The following SPAST variants were observed in gnomAD, a reference collection of about 807,000 sequenced individuals.
The protein encoded by SPAST is spastin.
Under a neutral mutation model 76.6 loss-of-function variants are expected in SPAST, and 30 were observed. The observed-to-expected ratio is 0.39, with a 90% confidence interval of 0.29 to 0.53. The LOEUF is 0.53. Ranked by LOEUF, SPAST falls within the 20% of genes least tolerant of loss-of-function variation. SPAST has a pLI of 0.68. For synonymous variants in SPAST, 305 were observed against 281.0 expected (o/e 1.09, Z -0.86); for missense variants, 717 against 770.5 (o/e 0.93, Z 0.82).
rs1336730445 is a variant in SPAST, at chr2:32,157,523, T to C, written c.*3027T>C. 6.6e-6 allele frequency: 1 copy of C among 152,640 alleles called. No homozygotes were observed. The highest frequency in any genetic ancestry group is 1.5e-5 in the Non-Finnish European group (1 of 68,036). 9.5% of individuals were successfully genotyped at this position (152,640 alleles called of 1,614,324 possible). ...GTCAAAGGATTTTCCTTTAAATGCTTGTCTCAATTTTAGTCTGGTCTTTTG... is the reference window on the plus strand; with the variant it reads ...GTCAAAGGATTTTCCTTTAAATGCTCGTCTCAATTTTAGTCTGGTCTTTTG... On this transcript the variant is annotated 3_prime_UTR_variant, in exon 17 of 17. Transcript: ENST00000315285.
At chr2:32,071,582 A>G (rs1331933981) in intron 1 of SPAST, among the ~76,000 whole-genome samples, 5 of 152,170 alleles carry the variant, frequency 3.3e-5, no homozygotes, top group Non-Finnish European at 7.3e-5. Context: ...TTGATTTTAT[A>G]CACTTTAGGG....
rs150243267 is a variant in SPAST at position 32,157,002 on chromosome 2, A to G, written c.*2506A>G. The G allele has an allele frequency of 6.6e-6, 1 of 152,428 alleles. No homozygotes were observed. The highest frequency in any genetic ancestry group is 2.4e-5 in the African/African-American group (1 of 41,574). 9.4% of individuals were successfully genotyped at this position (152,428 alleles called of 1,614,324 possible). A position where few individuals can be genotyped will look rare whatever the true frequency, so the allele number is the denominator to read the frequency against. ...AGGGCCATGAAAATAGAGTAATGAT[A>G]TAGTAGGAGATAAGGGATTGGTTTG... On this transcript the variant is annotated 3_prime_UTR_variant, in exon 17 of 17. Transcript: ENST00000315285.
intron 1 of SPAST, among the ~76,000 whole-genome samples, chr2:32,075,855 C>T (rs1676938736): frequency 9.0e-6 from 1 of 110,884 alleles, no homozygotes; most frequent in African/African-American, 3.4e-5. Context: ...TCCCAGACTC[C>T]TGGCTTTTTT....
In SPAST at chr2:32,133,655, TA is replaced by T. The variant is rs573039556; in HGVS notation, c.1246-2895del. 8.6e-3 allele frequency among the ~76,000 whole-genome samples: 1,219 copies of T among 142,350 alleles called. 14 individuals are homozygous for T. Among genetic ancestry groups the T allele is most frequent in the African/African-American group, 0.026 (1,007 of 39,098 alleles). The allele number at this position is 142,350 out of a possible 152,430, so 93.4% of individuals were successfully genotyped here. A position where few individuals can be genotyped will look rare whatever the true frequency, so the allele number is the denominator to read the frequency against. Reference sequence around the variant, plus strand: ...AACAGTTAACCTGCTTATCTATTATTAAAAAAAAAAAAACGAACATTCACAT... The same window carrying T: ...AACAGTTAACCTGCTTATCTATTATTAAAAAAAAAAAACGAACATTCACAT... On this transcript the variant is annotated intron_variant, in intron 9 of 16. Coordinates refer to ENST00000315285, the MANE Select transcript of SPAST (RefSeq NM_014946.4).
intron 3 of SPAST, among the ~76,000 whole-genome samples, chr2:32,091,703 G>A (rs181624632): frequency 2.0e-5 from 3 of 151,834 alleles, no homozygotes; most frequent in African/African-American, 4.8e-5. Flanking sequence ...GTGTGGTGGC[G>A]GGCACCTGTA....
chr2:32,107,494 C>G (rs1678370749), intron 4 of SPAST, among the ~76,000 whole-genome samples: 1 of 152,126 alleles, frequency 6.6e-6, no homozygotes, highest in Admixed American at 6.6e-5. Flanking sequence ...CTTAAGTGAT[C>G]CACCTGCCCT....
At chr2:32,087,902 G>A (rs1252257491) in intron 2 of SPAST, among the ~76,000 whole-genome samples, 1 of 149,588 alleles carries the variant, frequency 6.7e-6, no homozygotes, top group Non-Finnish European at 1.5e-5. Context: ...ACTAGTTTTT[G>A]AGACAGAGTC....
intron 7 of SPAST, among the ~76,000 whole-genome samples, chr2:32,117,864 G>A (rs767065426): frequency 1.3e-5 from 2 of 152,072 alleles, no homozygotes; most frequent in Non-Finnish European, 2.9e-5. Flanking sequence ...TGACTTTTAA[G>A]GATATTAAGT....
intron 3 of SPAST, among the ~76,000 whole-genome samples, chr2:32,090,919 C>T (rs1444151867): frequency 6.6e-6 from 1 of 152,136 alleles, no homozygotes; most frequent in East Asian, 1.9e-4. Flanking sequence ...GTTGTTCCAT[C>T]TTGTGAGGTT....
At position 32,063,996 on chromosome 2, in the gene SPAST, CCCGCTGTTTG is replaced by C. The variant is rs1553394509; in HGVS notation, c.166_175del (p.Pro56Ter). On this transcript the variant is annotated frameshift_variant, in exon 1 of 17. Coordinates refer to ENST00000315285, the MANE Select transcript of SPAST (RefSeq NM_014946.4). LOFTEE classifies it high-confidence loss of function. ...AGCGGAACCTGTACTATTTCTCCTA[CCCGCTGTTTG>C]TAGGCTTCGCGCTGCTGCGTTTGGT... The C allele has an allele frequency of 6.2e-7, 1 of 1,613,428 alleles. No individual in the cohort carries two copies. The highest frequency in any genetic ancestry group is 8.5e-7 in the Non-Finnish European group (1 of 1,179,536).
chr2:32,135,739 G>A (rs1679515657), intron 9 of SPAST, among the ~76,000 whole-genome samples: 1 of 152,014 alleles, frequency 6.6e-6, no homozygotes, highest in South Asian at 2.1e-4. Context: ...GATCACTTGA[G>A]GTCAGGAGTT....
chr2:32,089,481 G>A (rs781629405), intron 2 of SPAST, 41 bp from the exon 3 acceptor site: 4 of 1,087,078 alleles, frequency 3.7e-6, no homozygotes, highest in Non-Finnish European at 5.7e-6. Flanking sequence ...AACAATATTA[G>A]TTGGGAAATG....
At chr2:32,100,637 T>C (rs1678085256) in intron 4 of SPAST, among the ~76,000 whole-genome samples, 2 of 152,020 alleles carry the variant, frequency 1.3e-5, no homozygotes, top group African/African-American at 2.4e-5. Flanking sequence ...CAGGCCCCAT[T>C]GTGTGATGTT....
chr2:32,150,986 C>T (rs1680065143), intron 16 of SPAST, among the ~76,000 whole-genome samples: 1 of 141,080 alleles, frequency 7.1e-6, no homozygotes, highest in Non-Finnish European at 1.5e-5. Context: ...CTGTTGTTGC[C>T]CAGGCTGGAG....
At position 32,074,494 on chromosome 2, in the gene SPAST, C is replaced by G. The variant is rs577750394; in HGVS notation, c.415+10248C>G. Among the ~76,000 whole-genome samples the G allele has an allele frequency of 2.6e-5, 4 of 150,994 alleles. No homozygotes were observed. The East Asian group carries it at 7.8e-4, about 29-fold the overall frequency. ...GATGTAATAAGCTGTTTTTCTCTTT[C>G]TCAGCTTTTTTTTTTGTTGTTTTTT... On this transcript the variant is annotated intron_variant, in intron 1 of 16. Coordinates refer to ENST00000315285, the MANE Select transcript of SPAST (RefSeq NM_014946.4).
intron 9 of SPAST, among the ~76,000 whole-genome samples, chr2:32,131,145 A>G (rs897446286): frequency 1.9e-4 from 29 of 152,176 alleles, no homozygotes; most frequent in African/African-American, 7.0e-4. Flanking sequence ...CAGTTCTTCA[A>G]ATATTATTAT....
rs190794887 is a variant in SPAST, at chr2:32,119,684, A to G, written c.1098+3472A>G. ...TTAAACATAATTTTTGAAAGTAGCC[A>G]ATATTAATCTTTGACAAAAAACTCA... is the stretch of plus-strand genomic sequence containing the variant. On this transcript the variant is annotated intron_variant, in intron 7 of 16. Transcript: ENST00000315285. Among the ~76,000 whole-genome samples, 132 of 152,306 alleles carry G rather than the reference A, an allele frequency of 8.7e-4. 1 individual carries two copies. The highest frequency in any genetic ancestry group is 3.1e-3 in the African/African-American group (130 of 41,578).
At chr2:32,088,986 A>G (rs567783085) in intron 2 of SPAST, among the ~76,000 whole-genome samples, 163 of 152,296 alleles carry the variant, frequency 1.1e-3, no homozygotes, top group Non-Finnish European at 1.9e-3. Flanking sequence ...ACCCCATGAA[A>G]TAAGACCTGA....
At chr2:32,132,457 C>A (rs544866157) in intron 9 of SPAST, among the ~76,000 whole-genome samples, 1 of 151,806 alleles carries the variant, frequency 6.6e-6, no homozygotes, top group Non-Finnish European at 1.5e-5. Flanking sequence ...CTATCTAATA[C>A]AATTTTTTCC....
Sources: gnomAD v4.1 joint callset for allele counts (sites outside exome capture counted in the v4.1 genomes callset) on GRCh38, gnomAD v4.1.1 for gene constraint, MANE v1.5 for transcripts, NCBI Gene and HGNC (gene_info 2026-07-23, HGNC 2026-07-21) for gene names.